The following LARGE1 variants were observed in gnomAD, a reference collection of about 807,000 sequenced individuals.
LARGE1 encodes the protein LARGE xylosyl- and glucuronyltransferase 1, also known as xylosyl- and glucuronyltransferase LARGE1.
Under a neutral mutation model 87.6 loss-of-function variants are expected in LARGE1, and 43 were observed. The ratio of observed to expected loss-of-function variants is 0.49; its 90% CI spans 0.38 to 0.63. The LOEUF (loss-of-function observed/expected upper bound fraction) is 0.63, where lower values mean the gene tolerates loss of function less well. Among genes scored for constraint, LARGE1 ranks in the 30% least tolerant of loss-of-function variants. The probability of loss-of-function intolerance (pLI) is 0.00; values close to 1 mark genes in which losing one functional copy is unlikely to be tolerated. For missense variants in LARGE1, 802 were observed against 1,000.2 expected (o/e 0.80, Z 2.67); for synonymous variants, 434 against 394.6 (o/e 1.10, Z -1.18).
intron 2 of LARGE1, among the ~76,000 whole-genome samples, chr22:33,658,753 T>G (rs915654638): frequency 6.6e-6 from 1 of 152,196 alleles, no homozygotes; most frequent in Non-Finnish European, 1.5e-5. Flanking sequence ...AACATATGTG[T>G]GCATGTATCT....
intron 7 of LARGE1, among the ~76,000 whole-genome samples, chr22:33,396,895 A>C (rs1404649080): frequency 6.6e-6 from 1 of 152,216 alleles, no homozygotes; most frequent in Non-Finnish European, 1.5e-5. Flanking sequence ...AAATACTTTC[A>C]ACAAAAACTT....
intron 1 of LARGE1, among the ~76,000 whole-genome samples, chr22:33,870,645 T>C (rs62227814): frequency 0.15 from 22,701 of 152,116 alleles, 1,810 homozygotes; most frequent in South Asian, 0.31. Flanking sequence ...CTCGGCTCAC[T>C]GCAACCTCTG....
At chr22:33,786,102 C>CA (rs1347880050) in intron 1 of LARGE1, among the ~76,000 whole-genome samples, 1 of 152,046 alleles carries the variant, frequency 6.6e-6, no homozygotes, top group Non-Finnish European at 1.5e-5. Context: ...TTCTAAATTA[C>CA]AAAAATTCCT....
At chr22:33,092,261 A>G in the LARGE1 span, among the ~76,000 whole-genome samples, 38 of 143,624 alleles carry the variant, frequency 2.6e-4, no homozygotes, top group Non-Finnish European at 1.5e-5. Flanking sequence ...TTTTTTTTCT[A>G]TTTTCTTCAA....
At chr22:33,773,718 A>T (rs1242978227) in intron 1 of LARGE1, among the ~76,000 whole-genome samples, 2 of 152,220 alleles carry the variant, frequency 1.3e-5, no homozygotes, top group Admixed American at 6.5e-5. Flanking sequence ...GAGCCTGGCA[A>T]CTGATTTGTT....
At position 33,692,848 on chromosome 22, in the gene LARGE1, G is replaced by A. The variant is rs529483631; in HGVS notation, c.107-42180C>T. Among the ~76,000 whole-genome samples, 57 of 152,002 alleles carry A rather than the reference G, an allele frequency of 3.7e-4. 2 individuals carry two copies. The highest frequency in any genetic ancestry group is 1.1e-3 in the African/African-American group (47 of 41,494). On this transcript the variant is annotated intron_variant, in intron 2 of 14. Coordinates refer to ENST00000397394, the MANE Select transcript of LARGE1 (RefSeq NM_133642.5). The stretch of plus-strand genomic sequence containing the variant: ...CTTTTTATGAAGTTTAGGTATTAAA[G>A]AAAAAAAGGCAGAGAACTACCATTC...
intron 2 of LARGE1, among the ~76,000 whole-genome samples, chr22:33,674,037 G>A (rs898119120): frequency 7.2e-5 from 11 of 151,998 alleles, no homozygotes; most frequent in Non-Finnish European, 1.2e-4. Context: ...TTGAACTCCC[G>A]ACCTCATGTG....
At chr22:33,286,361 G>C (rs1250996205) in intron 12 of LARGE1, among the ~76,000 whole-genome samples, 1 of 152,144 alleles carries the variant, frequency 6.6e-6, no homozygotes, top group Non-Finnish European at 1.5e-5. Flanking sequence ...TCTGGGTATT[G>C]GGGGTGGGAT....
chr22:33,306,172 C>T (rs1382325659), intron 11 of LARGE1, among the ~76,000 whole-genome samples: 1 of 152,140 alleles, frequency 6.6e-6, no homozygotes, highest in East Asian at 1.9e-4. Context: ...AAAAGGCATG[C>T]ATTCTCCATG....
chr22:33,294,842 T>C (rs1013599264), intron 12 of LARGE1, among the ~76,000 whole-genome samples: 3 of 152,176 alleles, frequency 2.0e-5, no homozygotes, highest in African/African-American at 7.2e-5. Flanking sequence ...TATTTGTAAC[T>C]GCCCTATGCG....
intron 1 of LARGE1, among the ~76,000 whole-genome samples, chr22:33,843,938 G>A (rs887674871): frequency 6.6e-6 from 1 of 152,012 alleles, no homozygotes; most frequent in African/African-American, 2.4e-5. Flanking sequence ...AACTAGCTGG[G>A]CATGGTGGTG....
intron 11 of LARGE1, among the ~76,000 whole-genome samples, chr22:33,239,561 C>CA (rs1376905113): frequency 3.2e-5 from 3 of 93,320 alleles, no homozygotes; most frequent in African/African-American, 1.2e-4. Flanking sequence ...TTTTTTGAGA[C>CA]AGAGTCTCAC....
intron 7 of LARGE1, among the ~76,000 whole-genome samples, chr22:33,402,757 T>TG (rs2065965558): frequency 6.6e-6 from 1 of 152,150 alleles, no homozygotes; most frequent in Non-Finnish European, 1.5e-5. Context: ...AACTAGTTTC[T>TG]TCCTATTGAC....
At chr22:33,101,108 GT>G in the LARGE1 span, among the ~76,000 whole-genome samples, 1 of 152,152 alleles carries the variant, frequency 6.6e-6, no homozygotes, top group Non-Finnish European at 1.5e-5. Context: ...GCCTCCCAAA[GT>G]GCTGGGATTA....
intron 1 of LARGE1, among the ~76,000 whole-genome samples, chr22:33,770,194 A>G (rs142750788): frequency 6.6e-6 from 1 of 152,260 alleles, no homozygotes; most frequent in Non-Finnish European, 1.5e-5. Context: ...AGCCAATGCA[A>G]ATGTACAAAT....
intron 1 of LARGE1, among the ~76,000 whole-genome samples, chr22:33,852,139 C>T (rs1014543072): frequency 8.5e-5 from 13 of 152,130 alleles, no homozygotes; most frequent in South Asian, 8.3e-4. Context: ...GTAATTTTCT[C>T]GACAACTTGT....
At chr22:33,827,051 T>C (rs2062813273) in intron 1 of LARGE1, among the ~76,000 whole-genome samples, 1 of 152,008 alleles carries the variant, frequency 6.6e-6, no homozygotes, top group South Asian at 2.1e-4. Context: ...TATCAATGCT[T>C]TCTCCTAAGA....
chr22:33,320,748 T>A (rs917892122), intron 10 of LARGE1: 2 of 152,252 alleles, frequency 1.3e-5, no homozygotes, highest in East Asian at 1.9e-4. Context: ...AATATTTGCA[T>A]CCAAGGGTCT....
At chr22:33,795,973 A>T (rs929332720) in intron 1 of LARGE1, among the ~76,000 whole-genome samples, 1 of 148,976 alleles carries the variant, frequency 6.7e-6, no homozygotes, top group Non-Finnish European at 1.5e-5. Context: ...TATTGTGCAC[A>T]TGTACCCTAA....
Sources: gnomAD v4.1 joint callset for allele counts (sites outside exome capture counted in the v4.1 genomes callset) on GRCh38, gnomAD v4.1.1 for gene constraint, MANE v1.5 for transcripts, NCBI Gene and HGNC (gene_info 2026-07-23, HGNC 2026-07-21) for gene names.